Variants in EPHA3 observed in about 807,000 individuals in gnomAD.
The protein encoded by EPHA3 is EPH receptor A3.
A neutral mutation model predicts 107.1 loss-of-function variants in EPHA3; 42 were observed. The observed-to-expected ratio is 0.39, with a 90% CI of 0.31 to 0.51. The LOEUF is 0.51. Among genes scored for constraint, EPHA3 ranks in the 20% least tolerant of loss-of-function variants. The probability of loss-of-function intolerance (pLI) is 0.78; values close to 1 mark genes in which losing one functional copy is unlikely to be tolerated. For synonymous variants in EPHA3, 461 were observed against 424.8 expected (o/e 1.09, Z -1.05); for missense variants, 1,183 against 1,211.2 (o/e 0.98, Z 0.35).
intron 2 of EPHA3, among the ~76,000 whole-genome samples, chr3:89,156,965 T>C (rs1459182709): frequency 6.6e-6 from 1 of 152,036 alleles, no homozygotes; most frequent in Middle Eastern, 3.4e-3. Context: ...CCTGGACAGA[T>C]TTCAAGATTG....
chr3:89,259,398 T>C (rs1164227332), intron 3 of EPHA3, among the ~76,000 whole-genome samples: 1 of 152,198 alleles, frequency 6.6e-6, no homozygotes, highest in Non-Finnish European at 1.5e-5. Flanking sequence ...CTTTATTTTG[T>C]TGAAGGATGA....
intron 5 of EPHA3, among the ~76,000 whole-genome samples, chr3:89,378,478 A>G (rs1478386614): frequency 6.6e-6 from 1 of 152,042 alleles, no homozygotes; most frequent in Non-Finnish European, 1.5e-5. Context: ...GAATCATTAC[A>G]TGTAATTTAG....
chr3:89,459,189 G>A (rs1415788029), intron 15 of EPHA3, among the ~76,000 whole-genome samples: 12 of 151,856 alleles, frequency 7.9e-5, no homozygotes, highest in South Asian at 2.1e-4. Context: ...AGAACTTAAG[G>A]TAAAATTTTA....
chr3:89,290,628 T>C (rs1000111144), intron 3 of EPHA3, among the ~76,000 whole-genome samples: 3 of 152,174 alleles, frequency 2.0e-5, no homozygotes, highest in Admixed American at 6.6e-5. Flanking sequence ...CTGTATCTTA[T>C]TGCAAAGGAG....
chr3:89,373,511 T>C (rs1378368879), intron 5 of EPHA3, among the ~76,000 whole-genome samples: 1 of 151,838 alleles, frequency 6.6e-6, no homozygotes, highest in African/African-American at 2.4e-5. Context: ...TAGCAGCAAA[T>C]GGGAACTTAG....
intron 16 of EPHA3, among the ~76,000 whole-genome samples, chr3:89,475,194 G>A (rs1486481687): frequency 6.6e-6 from 1 of 152,088 alleles, no homozygotes; most frequent in East Asian, 1.9e-4. Context: ...AATATAATGA[G>A]GCAACATTTT....
intron 3 of EPHA3, among the ~76,000 whole-genome samples, chr3:89,319,193 C>T (rs908603463): frequency 2.0e-5 from 3 of 151,724 alleles, no homozygotes; most frequent in African/African-American, 7.3e-5. Context: ...ACTATAGAAC[C>T]TAATAACTTC....
chr3:89,198,545 T>G (rs1332769876), intron 2 of EPHA3, among the ~76,000 whole-genome samples: 1 of 152,180 alleles, frequency 6.6e-6, no homozygotes, highest in African/African-American at 2.4e-5. Flanking sequence ...GTTGCTACCC[T>G]TGTGAAGAGA....
At chr3:89,128,303 G>C (rs564920250) in intron 2 of EPHA3, among the ~76,000 whole-genome samples, 3 of 152,014 alleles carry the variant, frequency 2.0e-5, no homozygotes, top group Non-Finnish European at 2.9e-5. Context: ...GACACACCTT[G>C]ACTTTGACAA....
chr3:89,165,760 T>C (rs1185600103), intron 2 of EPHA3, among the ~76,000 whole-genome samples: 3 of 152,184 alleles, frequency 2.0e-5, no homozygotes, highest in Non-Finnish European at 4.4e-5. Flanking sequence ...CTGACTCCTT[T>C]CCAAGGCTGT....
chr3:89,130,837 C>T (rs1293705331), intron 2 of EPHA3, among the ~76,000 whole-genome samples: 1 of 152,046 alleles, frequency 6.6e-6, no homozygotes. Context: ...GGGGTTTCAC[C>T]GTGTAAGCCA....
intron 2 of EPHA3, among the ~76,000 whole-genome samples, chr3:89,148,468 T>A (rs1203908977): frequency 6.6e-6 from 1 of 151,988 alleles, no homozygotes; most frequent in Non-Finnish European, 1.5e-5. Flanking sequence ...TAAGATTTTA[T>A]GACAATATCA....
In EPHA3 at chr3:89,429,036, A is replaced by G. The variant is rs1317698158; in HGVS notation, c.2075-70A>G. On this transcript the variant is annotated intron_variant, in intron 11 of 16. Coordinates refer to ENST00000336596, the MANE Select transcript of EPHA3 (RefSeq NM_005233.6). Reference sequence around the variant, plus strand: ...CTATAATCCTCAGGTAAATCCAACTATATTATATATGTTCATTGTATAATA... The same window carrying G: ...CTATAATCCTCAGGTAAATCCAACTGTATTATATATGTTCATTGTATAATA... The G allele has an allele frequency of 8.5e-6, 9 of 1,059,460 alleles. No homozygotes were observed. The Admixed American group carries it at 1.2e-4, about 14-fold the overall frequency. 65.6% of individuals were successfully genotyped at this position (1,059,460 alleles called of 1,614,324 possible).
intron 16 of EPHA3, among the ~76,000 whole-genome samples, chr3:89,475,054 C>T (rs1710480029): frequency 6.6e-6 from 1 of 152,112 alleles, no homozygotes; most frequent in Non-Finnish European, 1.5e-5. Context: ...ACACCTTTGC[C>T]CTAACACTCC....
At chr3:89,404,041 G>A (rs1306947726) in intron 7 of EPHA3, among the ~76,000 whole-genome samples, 1 of 152,102 alleles carries the variant, frequency 6.6e-6, no homozygotes, top group East Asian at 1.9e-4. Flanking sequence ...ATATTATTAT[G>A]AAGAAGACAA....
intron 3 of EPHA3, among the ~76,000 whole-genome samples, chr3:89,296,702 C>A (rs1374377943): frequency 6.6e-6 from 1 of 152,182 alleles, no homozygotes; most frequent in Non-Finnish European, 1.5e-5. Flanking sequence ...AGGGAGTCAG[C>A]CTGCCCTTTG....
At chr3:89,430,337 A>G (rs1709542502) in intron 12 of EPHA3, among the ~76,000 whole-genome samples, 1 of 152,148 alleles carries the variant, frequency 6.6e-6, no homozygotes, top group Admixed American at 6.6e-5. Flanking sequence ...TAAATTTTCT[A>G]AGACTGAGAA....
chr3:89,253,344 G>T (rs2107266829), intron 3 of EPHA3, among the ~76,000 whole-genome samples: 1 of 152,128 alleles, frequency 6.6e-6, no homozygotes, highest in East Asian at 1.9e-4. Flanking sequence ...GGATTTATGA[G>T]ATTGAAAGAC....
intron 13 of EPHA3, among the ~76,000 whole-genome samples, chr3:89,436,811 G>A (rs549404512): frequency 2.0e-5 from 3 of 152,080 alleles, no homozygotes; most frequent in African/African-American, 4.8e-5. Context: ...TTATGTTCTC[G>A]ACAGCATGCC....
Sources: allele counts gnomAD v4.1 joint callset (sites outside exome capture counted in the v4.1 genomes callset), GRCh38; gene constraint gnomAD v4.1.1; transcripts MANE v1.5; gene names NCBI Gene and HGNC (gene_info 2026-07-23, HGNC 2026-07-21).